The following RERE variants were observed in gnomAD, a reference collection of about 807,000 sequenced individuals.
RERE encodes arginine-glutamic acid dipeptide repeats protein.
In RERE, 40 loss-of-function variants were observed where a neutral mutation model predicts 146.1. The observed-to-expected ratio is 0.27, with a 90% CI of 0.21 to 0.36. RERE has a LOEUF of 0.36. RERE is among the 10% of genes least tolerant of loss of function. The probability of loss-of-function intolerance (pLI) is 1.00; values close to 1 mark genes in which losing one functional copy is unlikely to be tolerated. For missense variants in RERE, 1,933 were observed against 2,138.7 expected, an observed-to-expected ratio of 0.90 and a Z score of 1.90; for synonymous variants, 1,003 against 866.0, an observed-to-expected ratio of 1.16 and a Z score of -2.78.
chr1:8,660,468 T>C (rs550297474), intron 1 of RERE, among the ~76,000 whole-genome samples: 2 of 152,322 alleles, frequency 1.3e-5, no homozygotes, highest in South Asian at 4.1e-4. Flanking sequence ...ACTCATGAAG[T>C]GAACTGGACA....
intron 11 of RERE, among the ~76,000 whole-genome samples, chr1:8,436,620 T>G (rs1306250431): frequency 6.6e-6 from 1 of 152,206 alleles, no homozygotes; most frequent in East Asian, 1.9e-4. Context: ...TAAAGGAATC[T>G]AGACCAGTGG....
At chr1:8,808,377 T>A (rs924319975) in intron 1 of RERE, among the ~76,000 whole-genome samples, 4 of 152,094 alleles carry the variant, frequency 2.6e-5, no homozygotes, top group African/African-American at 7.2e-5. Flanking sequence ...CTCCTGCAGA[T>A]CTCCTGATTA....
At chr1:8,477,358 C>G (rs1475582409) in intron 10 of RERE, among the ~76,000 whole-genome samples, 2 of 152,320 alleles carry the variant, frequency 1.3e-5, no homozygotes, top group East Asian at 3.9e-4. Context: ...CATTCGTGAA[C>G]CTAGACTGTT....
chr1:8,731,943 C>T (rs1193262927), intron 1 of RERE, among the ~76,000 whole-genome samples: 3 of 152,166 alleles, frequency 2.0e-5, no homozygotes, highest in Non-Finnish European at 4.4e-5. Context: ...GCTGGGACTA[C>T]AGGCACACAC....
At chr1:8,625,012 C>T (rs1295047941) in intron 2 of RERE, among the ~76,000 whole-genome samples, 2 of 152,288 alleles carry the variant, frequency 1.3e-5, no homozygotes, top group African/African-American at 4.8e-5. Flanking sequence ...ATAAAGTAAA[C>T]CAAATTGCAT....
intron 2 of RERE, among the ~76,000 whole-genome samples, chr1:8,635,967 C>CTTTATT (rs1553125332): frequency 6.8e-6 from 1 of 146,330 alleles, no homozygotes; most frequent in Non-Finnish European, 1.5e-5. Flanking sequence ...CTTATCTTAT[C>CTTTATT]TTATCTTATC....
chr1:8,475,924 C>G (rs1644750359), intron 10 of RERE, among the ~76,000 whole-genome samples: 1 of 152,026 alleles, frequency 6.6e-6, no homozygotes, highest in Non-Finnish European at 1.5e-5. Context: ...AATGGTCTTA[C>G]GGGAGCAAAA....
At chr1:8,789,713 C>T (rs1641330037) in intron 1 of RERE, among the ~76,000 whole-genome samples, 1 of 152,142 alleles carries the variant, frequency 6.6e-6, no homozygotes, top group Admixed American at 6.6e-5. Context: ...CCCACAAATT[C>T]TGTACTTCAA....
At chr1:8,556,652 C>T (rs1418826521) in intron 5 of RERE, 81 bp from the exon 6 acceptor site, 3 of 826,710 alleles carry the variant, frequency 3.6e-6, no homozygotes, top group Non-Finnish European at 6.2e-6. Flanking sequence ...TTTTCTTTCA[C>T]GTTTACCACC....
At chr1:8,665,467 A>C (rs1436829762) in intron 1 of RERE, among the ~76,000 whole-genome samples, 2 of 152,200 alleles carry the variant, frequency 1.3e-5, no homozygotes, top group Non-Finnish European at 2.9e-5. Context: ...ATCAGTAAAG[A>C]GGGCATTATG....
At chr1:8,753,673 T>C (rs1453357946) in intron 1 of RERE, 1 of 152,190 alleles carries the variant, frequency 6.6e-6, no homozygotes, top group Non-Finnish European at 1.5e-5. Context: ...AATTCTGGTG[T>C]TCAATTTCTT....
At chr1:8,655,265 G>C (rs566123882) in intron 2 of RERE, among the ~76,000 whole-genome samples, 1 of 151,726 alleles carries the variant, frequency 6.6e-6, no homozygotes, top group African/African-American at 2.4e-5. Context: ...GGAGTGCAGT[G>C]GTGTGATCTC....
intron 10 of RERE, among the ~76,000 whole-genome samples, chr1:8,470,279 T>C (rs1469706636): frequency 6.6e-6 from 1 of 152,164 alleles, no homozygotes; most frequent in Non-Finnish European, 1.5e-5. Flanking sequence ...TCTTTCTTTT[T>C]GGAGATGGAG....
chr1:8,750,561 C>T (rs1640512217), intron 1 of RERE: 1 of 991,946 alleles, frequency 1.0e-6, no homozygotes, highest in Non-Finnish European at 1.6e-6. Context: ...CTTTGAAAGG[C>T]AAGGAAGAAG....
Position 8,356,062 on chromosome 1 carries a change from A to T in RERE, c.4486+38T>A. On this transcript the variant is annotated intron_variant, in intron 21 of 22. Transcript: ENST00000400908. This position sits in a 1 kb window ranked among gnomAD's most constrained non-coding sequence, Gnocchi z 5.2. Reference sequence around the variant, plus strand: ...CAGACCAGACCCCAACCCAACCCTCACACGGCCTCCCCGCCCCTCCTGGAG... The same window carrying T: ...CAGACCAGACCCCAACCCAACCCTCTCACGGCCTCCCCGCCCCTCCTGGAG... 1 of 1,461,054 alleles carries T rather than the reference A, an allele frequency of 6.8e-7. No homozygotes were observed. Among genetic ancestry groups the T allele is most frequent in the South Asian group, 1.5e-5 (1 of 66,934 alleles). 90.5% of individuals were successfully genotyped at this position (1,461,054 alleles called of 1,614,324 possible). A position where few individuals can be genotyped will look rare whatever the true frequency, so the allele number is the denominator to read the frequency against.
rs1553151907 is a variant in RERE, at chr1:8,809,157, A to AT, written c.-145+8002_-145+8003insA. Among the ~76,000 whole-genome samples, 812 of 146,214 alleles carry AT rather than the reference A, an allele frequency of 5.6e-3. 34 individuals are homozygous for AT. Among genetic ancestry groups the AT allele is most frequent in the African/African-American group, 0.021 (778 of 36,444 alleles). On this transcript the variant is annotated intron_variant, in intron 1 of 22. Transcript: ENST00000400908. ...TGTCTTAAAAAAAAAAAAAAAAAAAAAAAGTACTGAGGGAGAGGTTAATGG... is the reference window on the plus strand; with the variant it reads ...TGTCTTAAAAAAAAAAAAAAAAAAAATAAAGTACTGAGGGAGAGGTTAATGG...
At position 8,579,060 on chromosome 1, in the gene RERE, A is replaced by G. The variant is rs1232670134; in HGVS notation, c.523-21537T>C. 5.3e-5 allele frequency among the ~76,000 whole-genome samples: 8 copies of G among 152,168 alleles called. 1 individual carries two copies. The highest frequency in any genetic ancestry group is 4.1e-4 in the South Asian group (2 of 4,832). ...CTTGAAATCCTTGCTTGGAGCCCCAAAGTTAAAGCAGCCATCAAGCACAAA... is the reference window on the plus strand; with the variant it reads ...CTTGAAATCCTTGCTTGGAGCCCCAGAGTTAAAGCAGCCATCAAGCACAAA... On this transcript the variant is annotated intron_variant, in intron 4 of 22. Coordinates refer to ENST00000400908, the MANE Select transcript of RERE (RefSeq NM_001042681.2).
At chr1:8,445,712 G>A (rs1340358754) in intron 11 of RERE, among the ~76,000 whole-genome samples, 1 of 151,850 alleles carries the variant, frequency 6.6e-6, no homozygotes, top group Non-Finnish European at 1.5e-5. Context: ...GGGGATACAT[G>A]GGCAGAACGT....
intron 3 of RERE, among the ~76,000 whole-genome samples, chr1:8,618,925 T>G (rs1646886630): frequency 3.3e-5 from 5 of 152,206 alleles, no homozygotes; most frequent in Admixed American, 3.3e-4. Flanking sequence ...GCCCTTCTGC[T>G]GTTGTACTGT....
Sources: gnomAD v4.1 joint callset for allele counts (sites outside exome capture counted in the v4.1 genomes callset) on GRCh38, gnomAD v4.1.1 for gene constraint, Gnocchi (gnomAD v3.1) non-coding constraint, MANE v1.5 for transcripts, NCBI Gene and HGNC (gene_info 2026-07-23, HGNC 2026-07-21) for gene names.